Variants in NRXN3 observed in about 807,000 individuals in gnomAD.
NRXN3 encodes the protein neurexin III.
A neutral mutation model predicts 137.6 loss-of-function variants in NRXN3; 32 were observed. The observed-to-expected ratio is 0.23, with a 90% CI of 0.18 to 0.31. The LOEUF is 0.31. Ranked by LOEUF, NRXN3 falls within the 10% of genes least tolerant of loss-of-function variation. NRXN3 has a pLI of 1.00. For missense variants in NRXN3, 1,574 were observed against 2,062.5 expected (o/e 0.76, Z 4.59); for synonymous variants, 798 against 784.5 (o/e 1.02, Z -0.29).
At chr14:78,620,469 T>C (rs554706822) in intron 4 of NRXN3, among the ~76,000 whole-genome samples, 1 of 152,298 alleles carries the variant, frequency 6.6e-6, no homozygotes, top group East Asian at 1.9e-4. Context: ...AATGCCTTTT[T>C]ATCAGAGGTA....
intron 16 of NRXN3, among the ~76,000 whole-genome samples, chr14:79,634,951 A>T (rs968687729): frequency 9.2e-5 from 14 of 152,134 alleles, no homozygotes; most frequent in African/African-American, 3.1e-4. Flanking sequence ...ATTTCATTTA[A>T]CATAATGCTC....
At chr14:79,626,480 A>G (rs2098282774) in intron 16 of NRXN3, among the ~76,000 whole-genome samples, 1 of 151,366 alleles carries the variant, frequency 6.6e-6, no homozygotes, top group African/African-American at 2.4e-5. Context: ...GTAGTTTTAA[A>G]TTTTCTCCCC....
intron 6 of NRXN3, among the ~76,000 whole-genome samples, chr14:78,697,633 A>G (rs980785297): frequency 5.9e-5 from 9 of 151,976 alleles, no homozygotes; most frequent in African/African-American, 1.9e-4. Flanking sequence ...GGGCCTATAT[A>G]CCATCACCTT....
chr14:78,713,860 C>T (rs2098420131), intron 7 of NRXN3, among the ~76,000 whole-genome samples: 1 of 152,192 alleles, frequency 6.6e-6, no homozygotes, highest in African/African-American at 2.4e-5. Flanking sequence ...ATTCAATTCA[C>T]TTCCCACCAG....
chr14:79,170,608 C>T (rs939154398), intron 15 of NRXN3, among the ~76,000 whole-genome samples: 4 of 152,046 alleles, frequency 2.6e-5, no homozygotes, highest in Non-Finnish European at 5.9e-5. Flanking sequence ...AAATACATCT[C>T]TACTTTTTTT....
At chr14:79,713,412 C>A (rs2098812256) in intron 19 of NRXN3, among the ~76,000 whole-genome samples, 1 of 145,138 alleles carries the variant, frequency 6.9e-6, no homozygotes, top group African/African-American at 2.5e-5. Flanking sequence ...AAATGAATAG[C>A]TATAATTAAT....
At chr14:79,754,527 T>G (rs1232279344) in intron 19 of NRXN3, among the ~76,000 whole-genome samples, 1 of 73,386 alleles carries the variant, frequency 1.4e-5, no homozygotes, top group Non-Finnish European at 2.4e-5. Flanking sequence ...TATATATATA[T>G]ATATATATAT....
intron 16 of NRXN3, among the ~76,000 whole-genome samples, chr14:79,640,295 G>A (rs921058703): frequency 2.2e-5 from 3 of 135,214 alleles, no homozygotes; most frequent in Admixed American, 7.9e-5. Flanking sequence ...GAATGAAGCT[G>A]TTTCTATACA....
At chr14:79,205,581 A>C (rs2066672559) in intron 15 of NRXN3, among the ~76,000 whole-genome samples, 1 of 152,170 alleles carries the variant, frequency 6.6e-6, no homozygotes, top group Admixed American at 6.5e-5. Context: ...ATCTTTATCC[A>C]CCATCATCAA....
intron 4 of NRXN3, among the ~76,000 whole-genome samples, chr14:78,594,757 C>T (rs1225103425): frequency 2.0e-5 from 3 of 152,160 alleles, no homozygotes; most frequent in Non-Finnish European, 4.4e-5. Flanking sequence ...TTTAATAAGA[C>T]TCCTGTTCCA....
chr14:78,933,211 A>G (rs563424686), intron 10 of NRXN3, among the ~76,000 whole-genome samples: 6 of 152,342 alleles, frequency 3.9e-5, no homozygotes, highest in African/African-American at 1.4e-4. Flanking sequence ...GGCACTTAAA[A>G]CAGAATGTGG....
intron 10 of NRXN3, among the ~76,000 whole-genome samples, chr14:78,955,655 A>C (rs1431764608): frequency 6.6e-6 from 1 of 152,174 alleles, no homozygotes; most frequent in Non-Finnish European, 1.5e-5. Flanking sequence ...TATTAAATAT[A>C]AGTCATTTGC....
chr14:79,805,629 G>A (rs186820165), intron 20 of NRXN3, among the ~76,000 whole-genome samples: 6 of 151,914 alleles, frequency 3.9e-5, no homozygotes, highest in Admixed American at 3.9e-4. Flanking sequence ...CATAAAGATT[G>A]GTAAATGACT....
intron 2 of NRXN3, among the ~76,000 whole-genome samples, chr14:78,256,984 G>A (rs1483851767): frequency 2.0e-5 from 3 of 152,180 alleles, no homozygotes; most frequent in Non-Finnish European, 4.4e-5. Flanking sequence ...GCTGCCAGTG[G>A]TGTATGTGTT....
chr14:78,902,501 T>C (rs1342644415), intron 10 of NRXN3, among the ~76,000 whole-genome samples: 1 of 151,906 alleles, frequency 6.6e-6, no homozygotes, highest in Admixed American at 6.6e-5. Flanking sequence ...AGTAGAGTGC[T>C]TGAGGAGAAA....
chr14:78,247,504 T>C (rs1432209086), intron 2 of NRXN3, among the ~76,000 whole-genome samples: 1 of 152,248 alleles, frequency 6.6e-6, no homozygotes, highest in Non-Finnish European at 1.5e-5. Flanking sequence ...CCTAGATTTG[T>C]ACATCTGGGT....
intron 4 of NRXN3, among the ~76,000 whole-genome samples, chr14:78,368,361 G>A (rs2086298548): frequency 1.3e-5 from 2 of 152,202 alleles, no homozygotes; most frequent in Non-Finnish European, 2.9e-5. Context: ...TTAAACGTGG[G>A]TGCCCTGGTG....
intron 4 of NRXN3, among the ~76,000 whole-genome samples, chr14:78,435,270 A>G (rs2094022911): frequency 6.6e-6 from 1 of 152,212 alleles, no homozygotes. Flanking sequence ...TGGAATCCAG[A>G]CATAGTATTG....
chr14:79,570,182 T>A (rs1483532070), intron 16 of NRXN3, among the ~76,000 whole-genome samples: 1 of 152,152 alleles, frequency 6.6e-6, no homozygotes, highest in East Asian at 1.9e-4. Flanking sequence ...CTCTCATGTG[T>A]GTTTTCATTT....
Sources: gnomAD v4.1 joint callset for allele counts (sites outside exome capture counted in the v4.1 genomes callset) on GRCh38, gnomAD v4.1.1 for gene constraint, MANE v1.5 for transcripts, NCBI Gene and HGNC (gene_info 2026-07-23, HGNC 2026-07-21) for gene names.